Variants in OTOA observed in about 807,000 individuals in gnomAD.
OTOA encodes the protein cancer/testis antigen 108.
Under a neutral mutation model 110.8 loss-of-function variants are expected in OTOA, and 70 were observed. That is an observed-to-expected ratio of 0.63 (90% CI 0.52 to 0.77). The LOEUF is 0.77. Among genes scored for constraint, OTOA ranks in the 30% least tolerant of loss-of-function variants. OTOA has a pLI of 0.00. For synonymous variants in OTOA, 373 were observed against 431.5 expected (o/e 0.86, Z 1.68); for missense variants, 917 against 1,075.8 (o/e 0.85, Z 2.06).
intron 19 of OTOA, chr16:21,727,008 TAG>T: frequency 4.0e-6 from 1 of 247,960 alleles, no homozygotes; most frequent in Non-Finnish European, 7.8e-6. Flanking sequence ...ACATCCCCCT[TAG>T]AGTTTTTTTT....
At chr16:21,719,573 G>A in intron 17 of OTOA, 69 bp downstream of exon 17, 6 of 1,398,398 alleles carry the variant, frequency 4.3e-6, no homozygotes, top group Non-Finnish European at 5.1e-6. Flanking sequence ...TGGATTGGCT[G>A]TGGCATCTAA....
chr16:21,754,712 C>CA (rs1406123920), intron 27 of OTOA, among the ~76,000 whole-genome samples: 524 of 13,138 alleles, frequency 0.04, 46 homozygotes, highest in African/African-American at 0.12. Context: ...GACTCTGTCT[C>CA]AAAAAAAAAA....
intron 11 of OTOA, 177 bp from the exon 12 acceptor site, chr16:21,704,992 A>T (rs984904870): frequency 2.0e-6 from 2 of 982,754 alleles, no homozygotes; most frequent in South Asian, 1.3e-5. Context: ...CTGAGCAGTT[A>T]GGTTCCGCCT....
chr16:21,726,754 G>A (rs973320158), intron 19 of OTOA, 96 bp downstream of exon 19: 29 of 1,524,996 alleles, frequency 1.9e-5, no homozygotes, highest in Non-Finnish European at 2.2e-5. Context: ...TGAGCCTGCT[G>A]TGATGGCCAG....
intron 15 of OTOA, among the ~76,000 whole-genome samples, chr16:21,717,614 C>T (rs1001884029): frequency 5.3e-5 from 8 of 152,076 alleles, no homozygotes; most frequent in East Asian, 1.9e-4. Context: ...TGTAAGTATT[C>T]GCGGCTATTA....
chr16:21,716,772 T>C, intron 14 of OTOA, 135 bp from the exon 15 acceptor site: 3 of 976,774 alleles, frequency 3.1e-6, no homozygotes, highest in Non-Finnish European at 4.8e-6. Flanking sequence ...GAAATGGGGA[T>C]GATGCTACTC....
At chr16:21,692,551 A>T (rs2141666424) in intron 9 of OTOA, among the ~76,000 whole-genome samples, 1 of 152,298 alleles carries the variant, frequency 6.6e-6, no homozygotes, top group African/African-American at 2.4e-5. Flanking sequence ...GGTTCAAAAT[A>T]TTCTGGATAT....
chr16:21,714,460 C>CTTCTTTCT (rs71151654), intron 13 of OTOA, among the ~76,000 whole-genome samples: 80 of 138,044 alleles, frequency 5.8e-4, no homozygotes, highest in African/African-American at 1.0e-3. Flanking sequence ...CTCTCTCTCT[C>CTTCTTTCT]TTCTTTCTTT....
chr16:21,732,987 C>T lies in OTOA; in HGVS notation c.2301+2057C>T, dbSNP rs1244414747. ...TTTAATAAAGCAAGTAATACATGCT[C>T]CTGGTTAACAAATCCCAATCGCACC... On this transcript the variant is annotated intron_variant, in intron 21 of 28. Transcript: ENST00000646100. 1.9e-3 allele frequency among the ~76,000 whole-genome samples: 183 copies of T among 94,258 alleles called. 1 individual carries two copies. The highest frequency in any genetic ancestry group is 3.3e-3 in the Non-Finnish European group (153 of 46,468). The allele number at this position is 94,258 out of a possible 152,430, so 61.8% of individuals were successfully genotyped here.
chr16:21,758,770 G>A (rs910554362), intron 28 of OTOA, among the ~76,000 whole-genome samples: 2 of 151,544 alleles, frequency 1.3e-5, no homozygotes, highest in African/African-American at 4.8e-5. Context: ...GGAGGCCGAG[G>A]TGGGCGGATC....
chr16:21,667,712 T>A (rs1247010682), intron 1 of OTOA, among the ~76,000 whole-genome samples: 1 of 152,148 alleles, frequency 6.6e-6, no homozygotes, highest in Non-Finnish European at 1.5e-5. Flanking sequence ...GTGTGGTCCC[T>A]GTCCCAAGTA....
At chr16:21,728,908 A>G (rs1019056560) in intron 20 of OTOA, among the ~76,000 whole-genome samples, 5 of 152,110 alleles carry the variant, frequency 3.3e-5, no homozygotes, top group Admixed American at 6.6e-5. Flanking sequence ...TTTGCTGTAA[A>G]GTGGAATCAA....
chr16:21,665,092 A>G (rs946596641), intron 1 of OTOA, among the ~76,000 whole-genome samples: 3 of 152,230 alleles, frequency 2.0e-5, no homozygotes, highest in Admixed American at 2.0e-4. Flanking sequence ...ATGCAAGCCT[A>G]TAGAGGTTAA....
At chr16:21,678,447 T>G in intron 1 of OTOA, 64 bp from the exon 2 acceptor site, 1 of 972,488 alleles carries the variant, frequency 1.0e-6, no homozygotes, top group Non-Finnish European at 1.6e-6. Flanking sequence ...TATATATGTG[T>G]GTGTGTGTAT....
chr16:21,690,565 G>A (rs1185217749), intron 8 of OTOA, among the ~76,000 whole-genome samples: 2 of 152,044 alleles, frequency 1.3e-5, no homozygotes. Flanking sequence ...TGGTATATAT[G>A]TACCACATTT....
At chr16:21,712,402 T>C (rs1898384958) in intron 13 of OTOA, among the ~76,000 whole-genome samples, 2 of 151,772 alleles carry the variant, frequency 1.3e-5, no homozygotes, top group East Asian at 1.9e-4. Flanking sequence ...TTAAAGGTCA[T>C]GTTTACTAAC....
chr16:21,728,363 C>G lies in OTOA; in HGVS notation c.2139C>G (p.Leu713=). ...CTTGGGCGACTGCTCTACACGGCCT[C>G]AGAGACTGCCCAGACCTCAACCCTG... ...PRAWATALHG[L]RDCPDLNPEQ... Residue 713 remains leucine (L), a synonymous_variant, in exon 20 of 29, where the codon CTC becomes CTG. Coordinates refer to ENST00000646100, the MANE Select transcript of OTOA (RefSeq NM_144672.4). 6.2e-7 allele frequency: 1 copy of G among 1,614,162 alleles called. No homozygotes were observed. The highest frequency in any genetic ancestry group is 8.5e-7 in the Non-Finnish European group (1 of 1,180,014).
intron 9 of OTOA, 67 bp downstream of exon 9, chr16:21,691,754 C>T (rs776800144): frequency 2.2e-6 from 3 of 1,373,788 alleles, no homozygotes; most frequent in Non-Finnish European, 3.1e-6. Flanking sequence ...GGTGTTTCAT[C>T]TCTGAAAACA....
chr16:21,684,837 C>T (rs1156593368), intron 6 of OTOA, among the ~76,000 whole-genome samples: 3 of 151,124 alleles, frequency 2.0e-5, no homozygotes, highest in Non-Finnish European at 1.5e-5. Flanking sequence ...CTGCAACCTC[C>T]GCCTCCCGGG....
Sources: allele counts gnomAD v4.1 joint callset (sites outside exome capture counted in the v4.1 genomes callset), GRCh38; gene constraint gnomAD v4.1.1; transcripts MANE v1.5; gene names NCBI Gene and HGNC (gene_info 2026-07-23, HGNC 2026-07-21).